NEMP2: variants seen among roughly 807,000 people sequenced by gnomAD.
The protein encoded by NEMP2 is nuclear envelope integral membrane protein 2, also known as UPF0571 transmembrane protein.
In NEMP2, 53 loss-of-function variants were observed where a neutral mutation model predicts 54.2. The observed-to-expected ratio is 0.98, with a 90% confidence interval of 0.78 to 1.23. The LOEUF is 1.23. Among genes scored for constraint, NEMP2 ranks in the 50% most tolerant of loss-of-function variants. The probability of loss-of-function intolerance (pLI) is 0.00; values close to 1 mark genes in which losing one functional copy is unlikely to be tolerated. For missense variants in NEMP2, 455 were observed against 511.3 expected, an observed-to-expected ratio of 0.89 and a Z score of 1.06; for synonymous variants, 197 against 190.3, an observed-to-expected ratio of 1.04 and a Z score of -0.29.
At chr2:190,432,265 C>A in the NEMP2 span, among the ~76,000 whole-genome samples, 2 of 152,172 alleles carry the variant, frequency 1.3e-5, no homozygotes, top group Non-Finnish European at 2.9e-5. Context: ...GTCTTGCCAG[C>A]CTCTGGGAAC....
chr2:190,552,197 A>C, the NEMP2 span, among the ~76,000 whole-genome samples: 1 of 152,100 alleles, frequency 6.6e-6, no homozygotes, highest in Non-Finnish European at 1.5e-5. Context: ...AAGTCTGTCA[A>C]GTTTCATTGC....
the NEMP2 span, among the ~76,000 whole-genome samples, chr2:190,443,305 C>CT: frequency 6.6e-6 from 1 of 152,136 alleles, no homozygotes; most frequent in Non-Finnish European, 1.5e-5. The surrounding 1 kb of genome is among the most constrained non-coding windows in gnomAD (Gnocchi z 4.2). Context: ...AGTTACAGAA[C>CT]TTTTTGCATC....
rs546790071 is a variant in NEMP2, at chr2:190,509,461, G to A, written c.1131-149C>T. ...CATTTACACAGTGGGTGTAAAAATGGGAATGGCTTATGTGATCCCTCTAAA... is the reference window on the plus strand; with the variant it reads ...CATTTACACAGTGGGTGTAAAAATGAGAATGGCTTATGTGATCCCTCTAAA... On this transcript the variant is annotated intron_variant, in intron 8 of 8. Transcript: ENST00000409150. This position sits in a 1 kb window ranked among gnomAD's most constrained non-coding sequence, Gnocchi z 6.1. 1 of 856,134 alleles carries A rather than the reference G, an allele frequency of 1.2e-6. No individual in the cohort carries two copies. Among genetic ancestry groups the A allele is most frequent in the African/African-American group, 1.7e-5 (1 of 58,506 alleles). The allele number at this position is 856,134 out of a possible 1,614,324, so 53.0% of individuals were successfully genotyped here.
At chr2:190,511,845 C>T (rs941133495) in intron 7 of NEMP2, among the ~76,000 whole-genome samples, 2 of 151,502 alleles carry the variant, frequency 1.3e-5, no homozygotes, top group Admixed American at 1.3e-4. Flanking sequence ...TGAGCCACTG[C>T]GCCCGGCCTA....
chr2:190,509,082 A>G lies in NEMP2; in HGVS notation c.*107T>C. The G allele has an allele frequency of 1.4e-6, 2 of 1,460,534 alleles. No individual in the cohort carries two copies. Among genetic ancestry groups the G allele is most frequent in the Admixed American group, 2.6e-5 (1 of 37,996 alleles). The allele number at this position is 1,460,534 out of a possible 1,614,324, so 90.5% of individuals were successfully genotyped here. A position where few individuals can be genotyped will look rare whatever the true frequency, so the allele number is the denominator to read the frequency against. ...AGACTGACTTGTTTTTCTCCACAGCAAATGTTTTTGCCACCGTTCACTAGA... is the reference window on the plus strand; with the variant it reads ...AGACTGACTTGTTTTTCTCCACAGCGAATGTTTTTGCCACCGTTCACTAGA... On this transcript the variant is annotated 3_prime_UTR_variant, in exon 9 of 9. Transcript: ENST00000409150. The surrounding 1 kb of genome is among the most constrained non-coding windows in gnomAD (Gnocchi z 6.1).
At chr2:190,569,046 G>A in the NEMP2 span, among the ~76,000 whole-genome samples, 2 of 152,280 alleles carry the variant, frequency 1.3e-5, no homozygotes, top group East Asian at 3.9e-4. Context: ...GCCAGGTGTG[G>A]TGGCTCACAC....
upstream of NEMP2, among the ~76,000 whole-genome samples, chr2:190,535,680 C>T (rs994585098): frequency 1.3e-5 from 2 of 152,126 alleles, no homozygotes; most frequent in African/African-American, 4.8e-5. Context: ...CTTTCCTTGC[C>T]CTCAAAGAAA....
At chr2:190,524,530 CT>C (rs933686442) in intron 2 of NEMP2, among the ~76,000 whole-genome samples, 2 of 152,216 alleles carry the variant, frequency 1.3e-5, no homozygotes, top group African/African-American at 4.8e-5. Flanking sequence ...CTAGAACACC[CT>C]TCCCCCCAGT....
chr2:190,533,961 G>T lies in NEMP2; in HGVS notation c.97+598C>A, dbSNP rs1691256368. The T allele has an allele frequency of 1.0e-6, 1 of 984,930 alleles. No individual in the cohort carries two copies. Among genetic ancestry groups the T allele is most frequent in the Admixed American group, 6.2e-5 (1 of 16,250 alleles). 61.0% of individuals were successfully genotyped at this position (984,930 alleles called of 1,614,324 possible). A position where few individuals can be genotyped will look rare whatever the true frequency, so the allele number is the denominator to read the frequency against. ...CGCTACCAGTTCTTGCTTCCTGTGTGCCAGGCATTGTGCACACGAACACCA... is the reference window on the plus strand; with the variant it reads ...CGCTACCAGTTCTTGCTTCCTGTGTTCCAGGCATTGTGCACACGAACACCA... On this transcript the variant is annotated intron_variant, in intron 1 of 8. Coordinates refer to ENST00000409150, the MANE Select transcript of NEMP2 (RefSeq NM_001142645.2). The surrounding 1 kb of genome is among the most constrained non-coding windows in gnomAD (Gnocchi z 4.3).
chr2:190,438,484 C>G, the NEMP2 span, among the ~76,000 whole-genome samples: 1 of 152,186 alleles, frequency 6.6e-6, no homozygotes, highest in Non-Finnish European at 1.5e-5. The surrounding 1 kb of genome is among the most constrained non-coding windows in gnomAD (Gnocchi z 5.2). Flanking sequence ...CCACTGCACA[C>G]CAGCCTGGGC....
chr2:190,421,669 C>T, the NEMP2 span, among the ~76,000 whole-genome samples: 2 of 152,160 alleles, frequency 1.3e-5, no homozygotes, highest in Non-Finnish European at 2.9e-5. Flanking sequence ...GTCCTGGGCA[C>T]CTCAGCATCC....
the NEMP2 span, among the ~76,000 whole-genome samples, chr2:190,455,301 A>T: frequency 6.6e-6 from 1 of 152,154 alleles, no homozygotes; most frequent in Admixed American, 6.5e-5. Flanking sequence ...TTTTATTAGA[A>T]ATCTAACGTT....
the NEMP2 span, among the ~76,000 whole-genome samples, chr2:190,499,289 T>G: frequency 6.6e-6 from 1 of 152,224 alleles, no homozygotes; most frequent in Non-Finnish European, 1.5e-5. This position sits in a 1 kb window ranked among gnomAD's most constrained non-coding sequence, Gnocchi z 6.0. Context: ...ATCACAGAAA[T>G]GAACATTTTT....
the NEMP2 span, among the ~76,000 whole-genome samples, chr2:190,559,078 G>T: frequency 6.6e-6 from 1 of 152,162 alleles, no homozygotes; most frequent in African/African-American, 2.4e-5. The surrounding 1 kb of genome is among the most constrained non-coding windows in gnomAD (Gnocchi z 4.0). Flanking sequence ...GAAATAGCAA[G>T]AACATTCAAA....
chr2:190,623,484 A>C, the NEMP2 span, among the ~76,000 whole-genome samples: 1 of 152,230 alleles, frequency 6.6e-6, no homozygotes, highest in Non-Finnish European at 1.5e-5. Context: ...GACCAATGGC[A>C]CAGAGTAGAG....
At chr2:190,427,255 C>T in the NEMP2 span, among the ~76,000 whole-genome samples, 1 of 152,206 alleles carries the variant, frequency 6.6e-6, no homozygotes, top group East Asian at 1.9e-4. Context: ...GTCCTTGCTC[C>T]TTTATCTTCT....
the NEMP2 span, chr2:190,489,903 T>A: frequency 1.9e-6 from 3 of 1,570,998 alleles, no homozygotes; most frequent in Non-Finnish European, 8.7e-7. The surrounding 1 kb of genome is among the most constrained non-coding windows in gnomAD (Gnocchi z 6.6). Context: ...TTCCTAACAG[T>A]TCAGGCCATG....
At chr2:190,427,487 G>T in the NEMP2 span, among the ~76,000 whole-genome samples, 1 of 152,214 alleles carries the variant, frequency 6.6e-6, no homozygotes, top group Admixed American at 6.5e-5. Flanking sequence ...GCAGGCACTT[G>T]TTAGGGCTTT....
chr2:190,560,549 AC>A, the NEMP2 span, among the ~76,000 whole-genome samples: 9 of 152,216 alleles, frequency 5.9e-5, no homozygotes, highest in Non-Finnish European at 8.8e-5. This position sits in a 1 kb window ranked among gnomAD's most constrained non-coding sequence, Gnocchi z 5.4. Context: ...ATTTTGGATC[AC>A]CTTCTTTTAA....
Sources: allele counts gnomAD v4.1 joint callset (sites outside exome capture counted in the v4.1 genomes callset), GRCh38; gene constraint gnomAD v4.1.1; non-coding constraint Gnocchi (gnomAD v3.1); transcripts MANE v1.5; gene names NCBI Gene and HGNC (gene_info 2026-07-23, HGNC 2026-07-21).